The following PTPRM variants were observed in gnomAD, a reference collection of about 807,000 sequenced individuals.
PTPRM encodes the protein protein tyrosine phosphatase receptor type M.
Under a neutral mutation model 186.7 loss-of-function variants are expected in PTPRM, and 47 were observed. The ratio of observed to expected loss-of-function variants is 0.25; its 90% CI spans 0.20 to 0.32. The LOEUF is 0.32. PTPRM is among the 10% of genes least tolerant of loss of function. The pLI, the probability that PTPRM is intolerant of heterozygous loss-of-function variation, is 1.00. For missense variants in PTPRM, 1,494 were observed against 1,865.0 expected, an observed-to-expected ratio of 0.80 and a Z score of 3.66; for synonymous variants, 668 against 674.9, an observed-to-expected ratio of 0.99 and a Z score of 0.16.
intron 20 of PTPRM, among the ~76,000 whole-genome samples, chr18:8,305,960 C>T (rs2095217240): frequency 1.3e-5 from 2 of 151,190 alleles, no homozygotes; most frequent in East Asian, 1.9e-4. Context: ...TGCAATGGTG[C>T]GATCTCAGCT....
intron 19 of PTPRM, among the ~76,000 whole-genome samples, chr18:8,289,512 A>G (rs190087598): frequency 0.061 from 6,034 of 98,920 alleles, 451 homozygotes; most frequent in Middle Eastern, 0.14. Flanking sequence ...ATGTGTGTGT[A>G]TGTATATATA....
At chr18:7,603,139 G>A (rs1396530448) in intron 1 of PTPRM, among the ~76,000 whole-genome samples, 1 of 151,822 alleles carries the variant, frequency 6.6e-6, no homozygotes, top group Non-Finnish European at 1.5e-5. Context: ...CATGTTAGCT[G>A]GGATGGTCTC....
chr18:7,653,739 C>T (rs997645538), intron 1 of PTPRM, among the ~76,000 whole-genome samples: 1 of 152,140 alleles, frequency 6.6e-6, no homozygotes, highest in African/African-American at 2.4e-5. Flanking sequence ...TATGTTGATT[C>T]CATGTCCTTG....
At chr18:7,876,445 C>T (rs998641134) in intron 2 of PTPRM, among the ~76,000 whole-genome samples, 1 of 152,134 alleles carries the variant, frequency 6.6e-6, no homozygotes, top group African/African-American at 2.4e-5. Flanking sequence ...TCAAGCTTGT[C>T]TTAAAACAAC....
chr18:7,678,249 G>A (rs890265962), intron 1 of PTPRM, among the ~76,000 whole-genome samples: 11 of 152,146 alleles, frequency 7.2e-5, no homozygotes, highest in Non-Finnish European at 7.3e-5. Flanking sequence ...TCACGCTCAG[G>A]GGTAGGGTGG....
rs554931231 is a variant in PTPRM at position 8,120,476 on chromosome 18, T to TTTTC, written c.2167+5665_2167+5668dup. The stretch of plus-strand genomic sequence containing the variant: ...TTAGGTGCTCTGTTTCTCTTTTTCT[T>TTTTC]TTTCTTTCTTTCTTTCTTTTTTTTT... On this transcript the variant is annotated intron_variant, in intron 13 of 32. Transcript: ENST00000580170. 3.1e-3 allele frequency among the ~76,000 whole-genome samples: 465 copies of TTTTC among 149,628 alleles called. 2 individuals are homozygous for TTTTC. The highest frequency in any genetic ancestry group is 0.011 in the African/African-American group (429 of 40,444).
chr18:8,272,418 A>G (rs936773154), intron 19 of PTPRM, among the ~76,000 whole-genome samples: 1 of 151,882 alleles, frequency 6.6e-6, no homozygotes, highest in Non-Finnish European at 1.5e-5. Context: ...ATAAACATTG[A>G]TTTGAGAGTA....
intron 13 of PTPRM, among the ~76,000 whole-genome samples, chr18:8,130,766 C>T (rs2092483827): frequency 6.6e-6 from 1 of 152,196 alleles, no homozygotes; most frequent in Non-Finnish European, 1.5e-5. Flanking sequence ...GAAATTCACA[C>T]AGGAACTCTG....
intron 11 of PTPRM, among the ~76,000 whole-genome samples, chr18:8,110,074 T>C (rs896642878): frequency 1.4e-4 from 21 of 152,192 alleles, no homozygotes; most frequent in African/African-American, 5.1e-4. Flanking sequence ...TCCCTCCTGG[T>C]ACATAGAATG....
chr18:7,570,900 A>C (rs1390020109), intron 1 of PTPRM, among the ~76,000 whole-genome samples: 1 of 151,292 alleles, frequency 6.6e-6, no homozygotes, highest in Non-Finnish European at 1.5e-5. Flanking sequence ...CTGTGATGAC[A>C]TTGCTTACTT....
chr18:8,210,685 G>T (rs892995716), intron 14 of PTPRM, among the ~76,000 whole-genome samples: 8 of 152,290 alleles, frequency 5.3e-5, no homozygotes, highest in Non-Finnish European at 1.0e-4. Context: ...GAGAGATCTG[G>T]ACTAGAGAAA....
chr18:8,261,979 C>T (rs2094636584), intron 19 of PTPRM, among the ~76,000 whole-genome samples: 1 of 152,084 alleles, frequency 6.6e-6, no homozygotes, highest in Non-Finnish European at 1.5e-5. Context: ...AGTGAACGTG[C>T]CCGTGTGCCA....
chr18:8,101,328 T>G (rs1439354668), intron 11 of PTPRM, among the ~76,000 whole-genome samples: 1 of 152,230 alleles, frequency 6.6e-6, no homozygotes, highest in African/African-American at 2.4e-5. Flanking sequence ...ACAGATGTTA[T>G]CTGTTCAGTA....
intron 24 of PTPRM, among the ~76,000 whole-genome samples, chr18:8,371,377 G>C (rs8090761): frequency 0.025 from 3,750 of 152,150 alleles, 64 homozygotes; most frequent in African/African-American, 0.049. Flanking sequence ...GGTGTATGTC[G>C]ATATGCATTT....
At position 8,397,245 on chromosome 18, in the gene PTPRM, G is replaced by A. The variant is rs563487887; in HGVS notation, c.4344+2634G>A. On this transcript the variant is annotated intron_variant, in intron 32 of 32. Coordinates refer to ENST00000580170, the MANE Select transcript of PTPRM (RefSeq NM_001105244.2). ...GCTGCATTCCCTCATGGTCCCTTCC[G>A]TTCAGAACAGGCAAATGCTACCGCT... Among the ~76,000 whole-genome samples, 8 of 152,342 alleles carry A rather than the reference G, an allele frequency of 5.3e-5. No individual in the cohort carries two copies. The East Asian group carries it at 9.7e-4, about 18-fold the overall frequency.
At position 8,244,313 on chromosome 18, in the gene PTPRM, T is replaced by G. The variant is rs1194302130; in HGVS notation, c.2452+104T>G. The stretch of plus-strand genomic sequence containing the variant: ...AAAAAAAAAAGCTTCCTGAAGAAAT[T>G]TTTATGCCGTGTTGGTTTCTTCAGT... On this transcript the variant is annotated intron_variant, in intron 15 of 32. Transcript: ENST00000580170. The G allele has an allele frequency of 2.0e-5, 23 of 1,166,480 alleles. 1 individual carries two copies. The highest frequency in any genetic ancestry group is 6.2e-5 in the Admixed American group (2 of 32,194). 72.3% of individuals were successfully genotyped at this position (1,166,480 alleles called of 1,614,324 possible). A position where few individuals can be genotyped will look rare whatever the true frequency, so the allele number is the denominator to read the frequency against.
intron 2 of PTPRM, among the ~76,000 whole-genome samples, chr18:7,840,088 G>A (rs900352305): frequency 7.5e-6 from 1 of 133,094 alleles, no homozygotes; most frequent in Non-Finnish European, 1.6e-5. Flanking sequence ...GGGTGGAGGT[G>A]GGGGGGGAGG....
At chr18:7,676,690 C>CGT (rs1409262698) in intron 1 of PTPRM, among the ~76,000 whole-genome samples, 3 of 139,556 alleles carry the variant, frequency 2.1e-5, no homozygotes, top group East Asian at 4.5e-4. Flanking sequence ...TGTGTGTGTG[C>CGT]GCGTGCACGC....
intron 1 of PTPRM, among the ~76,000 whole-genome samples, chr18:7,641,545 A>G (rs1470511866): frequency 6.6e-6 from 1 of 152,244 alleles, no homozygotes. Context: ...TCATACCCAT[A>G]TGTAAAACTA....
Sources: allele counts gnomAD v4.1 joint callset (sites outside exome capture counted in the v4.1 genomes callset), GRCh38; gene constraint gnomAD v4.1.1; transcripts MANE v1.5; gene names NCBI Gene and HGNC (gene_info 2026-07-23, HGNC 2026-07-21).